The following PGM3 variants were observed in gnomAD, a reference collection of about 807,000 sequenced individuals.
The protein encoded by PGM3 is phosphoglucomutase 3, also known as phosphoacetylglucosamine mutase.
A neutral mutation model predicts 66.2 loss-of-function variants in PGM3; 40 were observed. That is an observed-to-expected ratio of 0.60 (90% confidence interval 0.47 to 0.79). PGM3 has a LOEUF of 0.79. PGM3 is among the 30% of genes least tolerant of loss of function. The probability of loss-of-function intolerance (pLI) is 0.00; values close to 1 mark genes in which losing one functional copy is unlikely to be tolerated. For synonymous variants in PGM3, 191 were observed against 224.2 expected, an observed-to-expected ratio of 0.85 and a Z score of 1.32; for missense variants, 537 against 643.4, an observed-to-expected ratio of 0.83 and a Z score of 1.79.
At chr6:83,160,079 A>G, downstream of PGM3, 1 of 959,126 alleles carries the variant, frequency 1.0e-6, no homozygotes, top group Non-Finnish European at 1.5e-6. Context: ...AATTTTTACT[A>G]AAATGTAATT....
intron 8 of PGM3, 108 bp downstream of exon 8, chr6:83,178,565 G>C: frequency 1.4e-6 from 1 of 722,148 alleles, no homozygotes; most frequent in Non-Finnish European, 2.5e-6. Flanking sequence ...ATGAACAGCA[G>C]CTCAGCTTCA....
chr6:83,163,854 A>G (rs1345800103), downstream of PGM3, among the ~76,000 whole-genome samples: 2 of 151,998 alleles, frequency 1.3e-5, no homozygotes, highest in Non-Finnish European at 1.5e-5. Flanking sequence ...TTTACTTAAA[A>G]CATATACCAT....
downstream of PGM3, among the ~76,000 whole-genome samples, chr6:83,157,965 A>G (rs143942740): frequency 1.6e-3 from 250 of 152,184 alleles, 1 homozygote; most frequent in African/African-American, 5.7e-3. Flanking sequence ...GTTTCCCTGC[A>G]AATATAATTG....
At chr6:83,188,893 G>A (rs1425314767) in intron 2 of PGM3, 95 bp from the exon 3 acceptor site, 2 of 950,978 alleles carry the variant, frequency 2.1e-6, no homozygotes, top group Non-Finnish European at 3.2e-6. Flanking sequence ...ACCAAAGACA[G>A]TGATGGCTGA....
rs985156459 is a variant in PGM3 at position 83,189,969 on chromosome 6, C to T, written c.204+840G>A. ...ACAGAAACACAGAGTAGTATGGTGG[C>T]GGCTAGAGGGTAAGGGAAATGGGGA... On this transcript the variant is annotated intron_variant, in intron 2 of 12. Transcript: ENST00000513973. Among the ~76,000 whole-genome samples, 11 of 152,204 alleles carry T rather than the reference C, an allele frequency of 7.2e-5. No individual in the cohort carries two copies. The East Asian group carries it at 1.5e-3, about 21-fold the overall frequency.
At chr6:83,172,274 C>T (rs144770972) in intron 10 of PGM3, among the ~76,000 whole-genome samples, 2,564 of 152,240 alleles carry the variant, frequency 0.017, 43 homozygotes, top group Admixed American at 0.058. Flanking sequence ...GTGGCATACA[C>T]CTACAGTCCC....
chr6:83,163,353 C>T (rs113514043), downstream of PGM3, among the ~76,000 whole-genome samples: 2,535 of 152,004 alleles, frequency 0.017, 35 homozygotes, highest in Middle Eastern at 0.044. Context: ...GAAAAAAATA[C>T]AGTACAAAAG....
intron 8 of PGM3, among the ~76,000 whole-genome samples, chr6:83,176,947 T>C (rs987805072): frequency 3.3e-5 from 5 of 152,196 alleles, no homozygotes; most frequent in Admixed American, 3.3e-4. Flanking sequence ...ATGGAATCCC[T>C]TGAATGAGCT....
intron 4 of PGM3, among the ~76,000 whole-genome samples, chr6:83,185,859 G>A (rs1475425288): frequency 1.3e-5 from 2 of 152,166 alleles, no homozygotes; most frequent in Non-Finnish European, 2.9e-5. Flanking sequence ...CATGCAGAAT[G>A]AAAGAGGGTC....
chr6:83,183,093 CAT>C, intron 4 of PGM3, 115 bp from the exon 5 acceptor site: 2 of 911,910 alleles, frequency 2.2e-6, no homozygotes, highest in Admixed American at 5.4e-5. Context: ...TCATCTCAGA[CAT>C]CTTAGAAAAC....
the PGM3 span, among the ~76,000 whole-genome samples, chr6:83,152,734 C>T: frequency 6.6e-6 from 1 of 151,606 alleles, no homozygotes; most frequent in Non-Finnish European, 1.5e-5. Flanking sequence ...TCTCCTCCCT[C>T]AGCCTCCTAA....
At chr6:83,152,699 C>CCA in the PGM3 span, among the ~76,000 whole-genome samples, 3 of 150,284 alleles carry the variant, frequency 2.0e-5, no homozygotes, top group African/African-American at 4.9e-5. Context: ...CTCACTGCAA[C>CCA]CTCTGCCTCC....
At chr6:83,169,560 T>C (rs1364230580) in intron 12 of PGM3, 2 of 525,272 alleles carry the variant, frequency 3.8e-6, no homozygotes, top group Non-Finnish European at 3.4e-6. Flanking sequence ...ATTCAGATTA[T>C]AAAAATAGCT....
downstream of PGM3, among the ~76,000 whole-genome samples, chr6:83,159,127 T>TC (rs572828144): frequency 9.2e-5 from 14 of 152,346 alleles, no homozygotes; most frequent in East Asian, 2.7e-3. Context: ...GAATATATTT[T>TC]CTTCTTCAGT....
intron 1 of PGM3, among the ~76,000 whole-genome samples, chr6:83,191,958 CAAA>C (rs1219337174): frequency 0.18 from 6,942 of 38,888 alleles, 159 homozygotes; most frequent in Middle Eastern, 0.22. Flanking sequence ...GACTCGGTCT[CAAA>C]AAAAAAAAAA....
chr6:83,190,891 C>T lies in PGM3; in HGVS notation c.122G>A (p.Arg41His), dbSNP rs780464371. 1.2e-5 allele frequency: 19 copies of T among 1,613,938 alleles called. No individual in the cohort carries two copies. The highest frequency in any genetic ancestry group is 4.0e-5 in the African/African-American group (3 of 74,894). Reference sequence around the variant, plus strand: ...CCTCAGGACAGCTAATAATCCCATGCGAAACATGACATGATCAAGATGTTC... The same window carrying T: ...CCTCAGGACAGCTAATAATCCCATGTGAAACATGACATGATCAAGATGTTC... ...KAEHLDHVMFRMGLLAVLRSK... is the reference protein window; with the variant it reads ...KAEHLDHVMFHMGLLAVLRSK... Residue 41 changes from arginine to histidine, a missense_variant, in exon 2 of 13, where the codon CGC (arginine) becomes CAC (histidine). Physicochemically the swap from Arg to His is conservative, Grantham distance 29. Transcript: ENST00000513973.
downstream of PGM3, among the ~76,000 whole-genome samples, chr6:83,164,333 T>A (rs1004886276): frequency 2.0e-5 from 3 of 151,762 alleles, no homozygotes; most frequent in Non-Finnish European, 4.4e-5. Flanking sequence ...GGTCCTGAGT[T>A]CAGGGTAGGA....
intron 11 of PGM3, 106 bp from the exon 12 acceptor site, chr6:83,170,584 C>T: frequency 2.3e-6 from 2 of 855,842 alleles, no homozygotes; most frequent in African/African-American, 1.7e-5. Context: ...TATAAAATTA[C>T]ATTAAAACTT....
In PGM3 at chr6:83,166,059, C is replaced by A. The variant is rs1785443301; in HGVS notation, c.*3175G>T. 6.7e-6 allele frequency: 2 copies of A among 298,518 alleles called. No homozygotes were observed. Among genetic ancestry groups the A allele is most frequent in the Non-Finnish European group, 6.2e-6 (1 of 160,222 alleles). 18.5% of individuals were successfully genotyped at this position (298,518 alleles called of 1,614,324 possible). A position where few individuals can be genotyped will look rare whatever the true frequency, so the allele number is the denominator to read the frequency against. On this transcript the variant is annotated 3_prime_UTR_variant, in exon 13 of 13. Coordinates refer to ENST00000513973, the MANE Select transcript of PGM3 (RefSeq NM_015599.3). ...ATCGCCAGTTGTCGTATAAAATCCA[C>A]CTTTTGGCACACATCACAATCCGAT... is the stretch of plus-strand genomic sequence containing the variant.
Sources: allele counts gnomAD v4.1 joint callset (sites outside exome capture counted in the v4.1 genomes callset), GRCh38; gene constraint gnomAD v4.1.1; transcripts MANE v1.5; gene names NCBI Gene and HGNC (gene_info 2026-07-23, HGNC 2026-07-21).